The following ZNF71 variants were observed in gnomAD, a reference collection of about 807,000 sequenced individuals.
ZNF71 encodes endothelial zinc finger protein induced by tumor necrosis factor alpha.
In ZNF71, 3 loss-of-function variants were observed where a neutral mutation model predicts 6.7. The observed-to-expected ratio is 0.45, with a 90% confidence interval of 0.20 to 1.16. The LOEUF (loss-of-function observed/expected upper bound fraction) is 1.16, where lower values mean the gene tolerates loss of function less well. Among genes scored for constraint, ZNF71 ranks in the 50% most tolerant of loss-of-function variants. The pLI is 0.25. For synonymous variants in ZNF71, 343 were observed against 311.1 expected (o/e 1.10, Z -1.08); for missense variants, 688 against 728.6 (o/e 0.94, Z 0.64).
At chr19:56,608,737 C>T (rs1009225738) in intron 2 of ZNF71, among the ~76,000 whole-genome samples, 1 of 152,094 alleles carries the variant, frequency 6.6e-6, no homozygotes, top group Non-Finnish European at 1.5e-5. Flanking sequence ...CACACACATA[C>T]ACATAAAACA....
rs545868507 is a variant in ZNF71 at position 56,605,269 on chromosome 19, G to T, written c.33+3678G>T. Among the ~76,000 whole-genome samples the T allele has an allele frequency of 2.0e-5, 3 of 152,134 alleles. No homozygotes were observed. In the East Asian group the frequency reaches 5.8e-4, roughly 30 times the overall value. ...CCACTGAATCAGTTCAGAACAGCAG[G>T]TCCCTCTGTAGGACACAATAGGTCT... On this transcript the variant is annotated intron_variant, in intron 2 of 3. Coordinates refer to ENST00000599599, the MANE Select transcript of ZNF71 (RefSeq NM_001370215.1).
rs2044671231 is a variant in ZNF71, at chr19:56,601,602, T to C, written c.33+11T>C. 1.0e-6 allele frequency: 1 copy of C among 985,820 alleles called. No homozygotes were observed. Among genetic ancestry groups the C allele is most frequent in the Non-Finnish European group, 1.2e-6 (1 of 829,978 alleles). The allele number at this position is 985,820 out of a possible 1,614,324, so 61.1% of individuals were successfully genotyped here. ...ACTGATGAGGCACTGGTGAGTCATG[T>C]TGCCCTGTCACTCTCCTTTCCAAAG... On this transcript the variant is annotated intron_variant, in intron 2 of 3. Coordinates refer to ENST00000599599, the MANE Select transcript of ZNF71 (RefSeq NM_001370215.1).
chr19:56,604,066 G>A (rs1009299471), intron 2 of ZNF71, among the ~76,000 whole-genome samples: 1 of 104,976 alleles, frequency 9.5e-6, no homozygotes, highest in African/African-American at 4.5e-5. Flanking sequence ...TTGGTGCCTG[G>A]AGACTGCTCA....
intron 2 of ZNF71, among the ~76,000 whole-genome samples, chr19:56,608,526 C>T (rs2044726976): frequency 6.6e-6 from 1 of 152,100 alleles, no homozygotes; most frequent in Non-Finnish European, 1.5e-5. Flanking sequence ...CTTACGTACA[C>T]TTGGGTTGCT....
chr19:56,614,652 A>G (rs2044776911), intron 3 of ZNF71, among the ~76,000 whole-genome samples: 2 of 152,242 alleles, frequency 1.3e-5, no homozygotes, highest in African/African-American at 4.8e-5. Flanking sequence ...GATGTCCCAC[A>G]ACATACTGTT....
chr19:56,620,165 T>C (rs1036318378), intron 3 of ZNF71, among the ~76,000 whole-genome samples: 1 of 152,038 alleles, frequency 6.6e-6, no homozygotes, highest in Non-Finnish European at 1.5e-5. Context: ...CTGAGGCTGA[T>C]GAGAGGGCTG....
At chr19:56,600,542 A>C (rs1600583478) in intron 1 of ZNF71, among the ~76,000 whole-genome samples, 10 of 147,314 alleles carry the variant, frequency 6.8e-5, no homozygotes, top group African/African-American at 1.0e-4. Flanking sequence ...CATTCCCCCC[A>C]CCCTTCCACT....
chr19:56,600,088 T>G lies in ZNF71; in HGVS notation c.-52-1419T>G, dbSNP rs12975770. 9.2e-4 allele frequency among the ~76,000 whole-genome samples: 94 copies of G among 102,428 alleles called. 8 individuals are homozygous for G. Among genetic ancestry groups the G allele is most frequent in the African/African-American group, 2.1e-3 (59 of 27,874 alleles). The allele number at this position is 102,428 out of a possible 152,430, so 67.2% of individuals were successfully genotyped here. On this transcript the variant is annotated intron_variant, in intron 1 of 3. Coordinates refer to ENST00000599599, the MANE Select transcript of ZNF71 (RefSeq NM_001370215.1). ...TTGTGTGTGTGTTTTTTTGTTTTTT[T>G]GGGGTTTGTTTTTTTTTTTTTTTTT... is the stretch of plus-strand genomic sequence containing the variant.
intron 2 of ZNF71, 99 bp downstream of exon 2, chr19:56,601,690 C>G: frequency 2.6e-6 from 2 of 774,568 alleles, no homozygotes; most frequent in South Asian, 1.2e-4. Context: ...CCAGTCCCAT[C>G]TTCTGGGGCT....
chr19:56,623,009 G>A lies in ZNF71; in HGVS notation c.*252G>A. The A allele has an allele frequency of 5.4e-6, 3 of 553,426 alleles. No homozygotes were observed. Among genetic ancestry groups the A allele is most frequent in the South Asian group, 2.7e-5 (1 of 36,992 alleles). 34.3% of individuals were successfully genotyped at this position (553,426 alleles called of 1,614,324 possible). ...GGTTCACTGTAGCTGAGCCATGGCC[G>A]CTGGTAACAGACATCAGGGTTCCAG... On this transcript the variant is annotated 3_prime_UTR_variant, in exon 4 of 4. Coordinates refer to ENST00000599599, the MANE Select transcript of ZNF71 (RefSeq NM_001370215.1).
chr19:56,601,246 G>C lies in ZNF71; in HGVS notation c.-52-261G>C, dbSNP rs575783204. On this transcript the variant is annotated intron_variant, in intron 1 of 3. Transcript: ENST00000599599. ...CTTGAGCAAGTGGTTTAATCTCCTC[G>C]GGCCTCAGCCTCCTCATCTGTGAAA... Among the ~76,000 whole-genome samples the C allele has an allele frequency of 6.6e-5, 10 of 152,146 alleles. No individual in the cohort carries two copies. The South Asian group carries it at 2.1e-3, about 32-fold the overall frequency.
At position 56,621,618 on chromosome 19, in the gene ZNF71, T is replaced by C. The variant is rs746862574; in HGVS notation, c.511T>C (p.Phe171Leu). 1.3e-5 allele frequency: 21 copies of C among 1,614,170 alleles called. No homozygotes were observed. Among genetic ancestry groups the C allele is most frequent in the Non-Finnish European group, 1.7e-5 (20 of 1,180,004 alleles). The change falls in exon 4 of 4, where the codon TTC becomes CTC. Residue 171 changes from phenylalanine (F) to leucine (L), a missense_variant. By Grantham distance (22) the Phe-to-Leu change is conservative (BLOSUM62 0). Coordinates refer to ENST00000599599, the MANE Select transcript of ZNF71 (RefSeq NM_001370215.1). ...TCCACCCGTAAGGCGTGGCAAGAAC[T>C]TCTCCAGCACTTCAGACCTCAGTAA... is the stretch of plus-strand genomic sequence containing the variant. ...ACPPVRRGKNFSSTSDLSKPP... is the reference protein window; with the variant it reads ...ACPPVRRGKNLSSTSDLSKPP...
chr19:56,608,225 A>G (rs2044724215), intron 2 of ZNF71, among the ~76,000 whole-genome samples: 1 of 152,162 alleles, frequency 6.6e-6, no homozygotes, highest in African/African-American at 2.4e-5. Flanking sequence ...ATCCATCTCC[A>G]GAACTCTTTG....
chr19:56,609,391 GA>G lies in ZNF71; in HGVS notation c.34-4417del, dbSNP rs2044732904. ...ATGCAACCATCACCACAATATTTTA[GA>G]AAATTTTTACCACTCCAAAAAGAAA... On this transcript the variant is annotated intron_variant, in intron 2 of 3. Transcript: ENST00000599599. Among the ~76,000 whole-genome samples the G allele has an allele frequency of 4.6e-5, 7 of 152,198 alleles. No individual in the cohort carries two copies. In the South Asian group the frequency reaches 1.5e-3, roughly 32 times the overall value.
At chr19:56,606,097 C>T (rs1038660378) in intron 2 of ZNF71, among the ~76,000 whole-genome samples, 12 of 152,196 alleles carry the variant, frequency 7.9e-5, no homozygotes, top group Admixed American at 7.2e-4. Context: ...GGGCTTAGAA[C>T]AATACCTGGC....
intron 2 of ZNF71, among the ~76,000 whole-genome samples, chr19:56,609,751 C>T (rs887765760): frequency 2.7e-5 from 4 of 150,192 alleles, no homozygotes; most frequent in East Asian, 1.9e-4. Context: ...CTGTCCCGGA[C>T]GTTGCATATA....
In ZNF71 at chr19:56,603,051, G is replaced by A; in HGVS notation, c.33+1460G>A. On this transcript the variant is annotated intron_variant, in intron 2 of 3. Transcript: ENST00000599599. The surrounding 1 kb of genome is among the most constrained non-coding windows in gnomAD (Gnocchi z 4.6). ...TTATTTGGGAGCTTTGGTTTATTCT[G>A]TCTTCATTTGTTTGGTACCTTTGTT... Among the ~76,000 whole-genome samples, 1 of 152,132 alleles carries A rather than the reference G, an allele frequency of 6.6e-6. No homozygotes were observed.
In ZNF71 at chr19:56,622,098, G is replaced by T. The variant is rs548728280; in HGVS notation, c.991G>T (p.Val331Leu). 2 of 1,612,572 alleles carry T rather than the reference G, an allele frequency of 1.2e-6. No homozygotes were observed. The highest frequency in any genetic ancestry group is 1.7e-6 in the Non-Finnish European group (2 of 1,179,062). Residue 331 changes from valine (V) to leucine (L), a missense_variant, in exon 4 of 4, where the codon GTG becomes TTG. Transcript: ENST00000599599. Reference protein sequence around the residue: ...QRTHTGEKPYVCPECGRAFSQ... With the variant: ...QRTHTGEKPYLCPECGRAFSQ... The stretch of plus-strand genomic sequence containing the variant: ...CACGCACACCGGGGAGAAGCCGTAC[G>T]TGTGCCCCGAGTGCGGGCGAGCCTT...
At chr19:56,601,615 C>G (rs921438856) in intron 2 of ZNF71, 24 bp downstream of exon 2, 1 of 985,654 alleles carries the variant, frequency 1.0e-6, no homozygotes, top group Non-Finnish European at 1.2e-6. Context: ...CCCTGTCACT[C>G]TCCTTTCCAA....
Sources: gnomAD v4.1 joint callset for allele counts (sites outside exome capture counted in the v4.1 genomes callset) on GRCh38, gnomAD v4.1.1 for gene constraint, Gnocchi (gnomAD v3.1) non-coding constraint, MANE v1.5 for transcripts, NCBI Gene and HGNC (gene_info 2026-07-23, HGNC 2026-07-21) for gene names.